NCKAP5: variants seen among roughly 807,000 people sequenced by gnomAD.
The protein encoded by NCKAP5 is NCK associated protein 5, also known as nck-associated protein 5.
Under a neutral mutation model 167.0 loss-of-function variants are expected in NCKAP5, and 92 were observed. The ratio of observed to expected loss-of-function variants is 0.55; its 90% confidence interval spans 0.47 to 0.66. The LOEUF (loss-of-function observed/expected upper bound fraction) is 0.66, where lower values mean the gene tolerates loss of function less well. NCKAP5 is among the 30% of genes least tolerant of loss of function. The probability of loss-of-function intolerance (pLI) is 0.00; values close to 1 mark genes in which losing one functional copy is unlikely to be tolerated. For missense variants in NCKAP5, 2,378 were observed against 2,315.0 expected (o/e 1.03, Z -0.56); for synonymous variants, 891 against 877.4 (o/e 1.02, Z -0.27).
intron 2 of NCKAP5, among the ~76,000 whole-genome samples, chr2:133,544,554 C>A (rs1230414860): frequency 6.6e-6 from 1 of 152,146 alleles, no homozygotes; most frequent in Non-Finnish European, 1.5e-5. Flanking sequence ...AATGATGACT[C>A]GGGCTCCATC....
intron 19 of NCKAP5, among the ~76,000 whole-genome samples, chr2:132,713,449 A>T (rs935597306): frequency 2.6e-5 from 4 of 152,230 alleles, no homozygotes; most frequent in Admixed American, 6.5e-5. Flanking sequence ...CAAGTAAGTT[A>T]TGGTCCAAGA....
In NCKAP5 at chr2:133,377,257, C is replaced by A. The variant is rs568472137; in HGVS notation, c.70-74147G>T. On this transcript the variant is annotated intron_variant, in intron 3 of 19. Coordinates refer to ENST00000409261, the MANE Select transcript of NCKAP5 (RefSeq NM_207363.3). ...AAAACAGAAAATCTGCCAAAAATCC[C>A]AAACTGTATAACTATTCATTTCAAA... 6.4e-4 allele frequency among the ~76,000 whole-genome samples: 98 copies of A among 152,250 alleles called. 2 individuals are homozygous for A. In the South Asian group the frequency reaches 0.02, roughly 31 times the overall value.
intron 5 of NCKAP5, among the ~76,000 whole-genome samples, chr2:133,210,118 C>T (rs1482826400): frequency 6.6e-6 from 1 of 150,920 alleles, no homozygotes; most frequent in Non-Finnish European, 1.5e-5. Flanking sequence ...TGAGCCGAGA[C>T]CGGGCCACTG....
At chr2:133,227,564 A>C (rs1028729857) in intron 4 of NCKAP5, among the ~76,000 whole-genome samples, 1 of 152,180 alleles carries the variant, frequency 6.6e-6, no homozygotes, top group East Asian at 1.9e-4. Flanking sequence ...TCTCTACCCA[A>C]CTGAGCCATT....
intron 6 of NCKAP5, among the ~76,000 whole-genome samples, chr2:133,069,578 A>G (rs1389923857): frequency 6.6e-6 from 1 of 152,190 alleles, no homozygotes. Context: ...ACAGATGCTG[A>G]AGTTTTATTC....
At position 133,517,455 on chromosome 2, in the gene NCKAP5, T is replaced by C. The variant is rs1408932425; in HGVS notation, c.69+3A>G. Reference sequence around the variant, plus strand: ...GAGTGGTAAATGAATATTTAGTACTTACCACAAGACTGCTGTCTAGAGACA... The same window carrying C: ...GAGTGGTAAATGAATATTTAGTACTCACCACAAGACTGCTGTCTAGAGACA... On this transcript the variant is annotated splice_donor_region_variant and intron_variant, in intron 3 of 19. Coordinates refer to ENST00000409261, the MANE Select transcript of NCKAP5 (RefSeq NM_207363.3). The C allele has an allele frequency of 1.6e-5, 23 of 1,483,804 alleles. No individual in the cohort carries two copies. Among genetic ancestry groups the C allele is most frequent in the Non-Finnish European group, 2.1e-5 (23 of 1,107,766 alleles). The allele number at this position is 1,483,804 out of a possible 1,614,324, so 91.9% of individuals were successfully genotyped here.
At chr2:133,085,250 C>T (rs944305880) in intron 6 of NCKAP5, among the ~76,000 whole-genome samples, 5 of 152,064 alleles carry the variant, frequency 3.3e-5, no homozygotes, top group African/African-American at 1.2e-4. Context: ...GTGTGTGAGG[C>T]TCTCTTAGTA....
intron 5 of NCKAP5, among the ~76,000 whole-genome samples, chr2:133,168,354 T>A (rs1282425028): frequency 6.6e-6 from 1 of 150,938 alleles, no homozygotes; most frequent in Non-Finnish European, 1.5e-5. Flanking sequence ...TATGACCATA[T>A]ATAAAGCCCC....
chr2:133,346,673 T>C (rs563524466), intron 3 of NCKAP5, among the ~76,000 whole-genome samples: 1 of 152,150 alleles, frequency 6.6e-6, no homozygotes, highest in Non-Finnish European at 1.5e-5. Context: ...GGTGATATGG[T>C]CATCGGACTG....
At chr2:133,497,964 G>T (rs543986693) in intron 3 of NCKAP5, among the ~76,000 whole-genome samples, 4 of 152,284 alleles carry the variant, frequency 2.6e-5, no homozygotes, top group Admixed American at 6.5e-5. Flanking sequence ...GCAGTCCCCA[G>T]AGCCATGCGT....
intron 8 of NCKAP5, among the ~76,000 whole-genome samples, chr2:132,942,543 A>T (rs1415382347): frequency 6.6e-6 from 1 of 152,196 alleles, no homozygotes; most frequent in Non-Finnish European, 1.5e-5. Context: ...TCTCCGATTA[A>T]AAACATGAGC....
rs76227896 is a variant in NCKAP5 at position 132,784,593 on chromosome 2, C to T, written c.2218G>A (p.Glu740Lys). ...ACATTATCTTTTGGAATGTTTTTCT[C>T]AGTGTCCTCTTCAGACCTTTTAAAG... ...TFFKRSEEDTEKNIPKDNVDN... is the reference protein window; with the variant it reads ...TFFKRSEEDTKKNIPKDNVDN... Residue 740 changes from glutamate to lysine, a missense_variant, in exon 14 of 20, where the codon GAG becomes AAG. By Grantham distance (56) the Glu-to-Lys change is moderately conservative (BLOSUM62 1). Transcript: ENST00000409261. 132 of 1,594,884 alleles carry T rather than the reference C, an allele frequency of 8.3e-5. No homozygotes were observed. In the African/African-American group the frequency reaches 1.6e-3, roughly 19 times the overall value.
At position 132,808,689 on chromosome 2, in the gene NCKAP5, TA is replaced by T. The variant is rs778788356; in HGVS notation, c.808-11961del. Among the ~76,000 whole-genome samples the T allele has an allele frequency of 1.5e-4, 23 of 152,282 alleles. No individual in the cohort carries two copies. The East Asian group carries it at 1.7e-3, about 11-fold the overall frequency. The stretch of plus-strand genomic sequence containing the variant: ...AATCTTGCTAATGGTCAATCAATTT[TA>T]TTTATCTTTTCAATGAACCAGTTTT... On this transcript the variant is annotated intron_variant, in intron 11 of 19. Transcript: ENST00000409261.
At chr2:133,278,276 G>A (rs2089809554) in intron 4 of NCKAP5, among the ~76,000 whole-genome samples, 1 of 152,194 alleles carries the variant, frequency 6.6e-6, no homozygotes, top group Non-Finnish European at 1.5e-5. Flanking sequence ...AGGCCTCACT[G>A]ATGTAAACTG....
At chr2:132,898,238 C>G (rs1574560878) in intron 8 of NCKAP5, among the ~76,000 whole-genome samples, 1 of 152,208 alleles carries the variant, frequency 6.6e-6, no homozygotes, top group East Asian at 1.9e-4. Flanking sequence ...CCATAAGAAG[C>G]AACTCATCTG....
intron 6 of NCKAP5, among the ~76,000 whole-genome samples, chr2:133,012,316 C>T (rs866344522): frequency 4.6e-5 from 7 of 152,094 alleles, no homozygotes; most frequent in East Asian, 1.9e-4. Context: ...GGTGCTATCT[C>T]GGCTCACTGC....
rs1228885859 is a variant in NCKAP5, at chr2:132,772,490, A to G, written c.5128+1326T>C. Among the ~76,000 whole-genome samples, 3 of 152,188 alleles carry G rather than the reference A, an allele frequency of 2.0e-5. No homozygotes were observed. In the East Asian group the frequency reaches 5.8e-4, roughly 29 times the overall value. On this transcript the variant is annotated intron_variant, in intron 16 of 19. Coordinates refer to ENST00000409261, the MANE Select transcript of NCKAP5 (RefSeq NM_207363.3). ...TAGGAAAAATTCAGCTTGTAACTTTATATATATTATTTCACAGGCCCAAGA... is the reference window on the plus strand; with the variant it reads ...TAGGAAAAATTCAGCTTGTAACTTTGTATATATTATTTCACAGGCCCAAGA...
chr2:133,573,016 T>C (rs1688922092), upstream of NCKAP5, among the ~76,000 whole-genome samples: 1 of 152,210 alleles, frequency 6.6e-6, no homozygotes. Context: ...TAGAAAATTC[T>C]TGGTAACCAT....
intron 5 of NCKAP5, among the ~76,000 whole-genome samples, chr2:133,198,255 G>C (rs2150109990): frequency 6.6e-6 from 1 of 152,186 alleles, no homozygotes; most frequent in Admixed American, 6.5e-5. Flanking sequence ...TGTATCTGAA[G>C]AAATAATTTG....
Sources: allele counts gnomAD v4.1 joint callset (sites outside exome capture counted in the v4.1 genomes callset), GRCh38; gene constraint gnomAD v4.1.1; transcripts MANE v1.5; gene names NCBI Gene and HGNC (gene_info 2026-07-23, HGNC 2026-07-21).